Variants in MILR1 observed in about 807,000 individuals in gnomAD.
The protein encoded by MILR1 is allergin-1.
Under a neutral mutation model 18.5 loss-of-function variants are expected in MILR1, and 31 were observed. The ratio of observed to expected loss-of-function variants is 1.68; its 90% CI spans 1.26 to 2.26. The LOEUF is 2.26. Ranked by LOEUF, MILR1 falls within the 30% of genes most tolerant of loss-of-function variation. The pLI, the probability that MILR1 is intolerant of heterozygous loss-of-function variation, is 0.00. For synonymous variants in MILR1, 85 were observed against 56.2 expected, an observed-to-expected ratio of 1.51 and a Z score of -2.30; for missense variants, 257 against 157.4, an observed-to-expected ratio of 1.63 and a Z score of -3.38.
At chr17:64,493,095 A>T in the MILR1 span, 2 of 1,439,018 alleles carry the variant, frequency 1.4e-6, no homozygotes, top group East Asian at 4.5e-5. Context: ...TAGACACATT[A>T]ATAGTAGTAA....
the MILR1 span, among the ~76,000 whole-genome samples, chr17:64,478,738 C>T: frequency 6.6e-6 from 1 of 151,792 alleles, no homozygotes; most frequent in Non-Finnish European, 1.5e-5. Flanking sequence ...TCTACCAAAA[C>T]TACAAAAAAT....
At chr17:64,451,170 T>C (rs1033288717) in intron 2 of MILR1, among the ~76,000 whole-genome samples, 239 of 151,598 alleles carry the variant, frequency 1.6e-3, no homozygotes, top group African/African-American at 5.6e-3. Context: ...TGAGACAGAG[T>C]CTCTGCTCTG....
At chr17:64,449,662 G>A (rs1386721349) in intron 2 of MILR1, among the ~76,000 whole-genome samples, 1 of 152,142 alleles carries the variant, frequency 6.6e-6, no homozygotes, top group African/African-American at 2.4e-5. Context: ...CAGGCTGGGT[G>A]TGGTGCCTCC....
chr17:64,483,528 A>C, the MILR1 span, among the ~76,000 whole-genome samples: 16 of 150,958 alleles, frequency 1.1e-4, no homozygotes, highest in Non-Finnish European at 1.5e-4. Context: ...AAAAAAAAAA[A>C]CAAATTAACT....
At position 64,466,636 on chromosome 17, in the gene MILR1, T is replaced by C; in HGVS notation, c.953T>C (p.Phe318Ser). The change falls in exon 8 of 10, where the codon TTC becomes TCC. Residue 318 changes from phenylalanine (F) to serine (S), a missense_variant. Transcript: ENST00000619286. ...GAGCTACAGTATGCCACCCCCGTGT[T>C]CCAGGAGGTGGCACCAAGAGAGCAA... ...SQELQYATPV[F>S]QEVAPREQEA... The C allele has an allele frequency of 1.2e-6, 2 of 1,610,146 alleles. No homozygotes were observed. The highest frequency in any genetic ancestry group is 1.7e-6 in the Non-Finnish European group (2 of 1,178,244).
chr17:64,478,166 T>A, the MILR1 span, among the ~76,000 whole-genome samples: 1 of 152,210 alleles, frequency 6.6e-6, no homozygotes, highest in East Asian at 1.9e-4. Context: ...AAGTAATATT[T>A]TCAGACAGTT....
chr17:64,482,322 A>G, the MILR1 span, among the ~76,000 whole-genome samples: 1 of 142,734 alleles, frequency 7.0e-6, no homozygotes, highest in African/African-American at 2.9e-5. Context: ...CAGGCAAATT[A>G]AAAACTTTTT....
the MILR1 span, among the ~76,000 whole-genome samples, chr17:64,481,711 A>T: frequency 6.6e-6 from 1 of 152,084 alleles, no homozygotes; most frequent in Admixed American, 6.5e-5. Flanking sequence ...TGTCTCTACT[A>T]AAAATACTAA....
the MILR1 span, among the ~76,000 whole-genome samples, chr17:64,475,062 G>GC: frequency 6.6e-6 from 1 of 151,796 alleles, no homozygotes; most frequent in Non-Finnish European, 1.5e-5. Flanking sequence ...GGTAGCAGGC[G>GC]CCTGTAATCC....
At chr17:64,461,526 G>A (rs1166120405) in intron 5 of MILR1, among the ~76,000 whole-genome samples, 1 of 152,110 alleles carries the variant, frequency 6.6e-6, no homozygotes, top group Non-Finnish European at 1.5e-5. Flanking sequence ...TGGGATTACA[G>A]GTGTGAGCCA....
intron 2 of MILR1, 84 bp downstream of exon 2, chr17:64,449,439 A>G: frequency 2.4e-6 from 1 of 416,312 alleles, no homozygotes; most frequent in Non-Finnish European, 4.4e-6. Context: ...GCGTCCATTC[A>G]AAAGTGTTTC....
At chr17:64,455,453 CAA>C (rs1201488886) in intron 3 of MILR1, among the ~76,000 whole-genome samples, 1 of 151,082 alleles carries the variant, frequency 6.6e-6, no homozygotes, top group Admixed American at 6.6e-5. Flanking sequence ...ATTCACTCAT[CAA>C]AAAAAAATTT....
At chr17:64,495,831 C>G in the MILR1 span, among the ~76,000 whole-genome samples, 1 of 151,970 alleles carries the variant, frequency 6.6e-6, no homozygotes, top group Non-Finnish European at 1.5e-5. Context: ...GCCTCAGCCT[C>G]CCAAGTAGCT....
At position 64,464,178 on chromosome 17, in the gene MILR1, C is replaced by A. The variant is rs1310145271; in HGVS notation, c.764-1274C>A. On this transcript the variant is annotated intron_variant, in intron 5 of 9. Coordinates refer to ENST00000619286, the MANE Select transcript of MILR1 (RefSeq NM_001085423.2). ...ACTTCCATCACCCAAGGCTGGAGTG[C>A]GGTGGTGCAATCATGGCTCACTGCA... is the stretch of plus-strand genomic sequence containing the variant. Among the ~76,000 whole-genome samples the A allele has an allele frequency of 2.2e-5, 3 of 137,172 alleles. No homozygotes were observed. In the East Asian group the frequency reaches 6.4e-4, roughly 29 times the overall value. 90.0% of individuals were successfully genotyped at this position (137,172 alleles called of 152,430 possible).
the MILR1 span, among the ~76,000 whole-genome samples, chr17:64,482,099 T>A: frequency 1.3e-4 from 18 of 138,910 alleles, no homozygotes; most frequent in Non-Finnish European, 2.0e-4. Context: ...ATTAAAGCTT[T>A]TTTTTTTTTT....
intron 3 of MILR1, among the ~76,000 whole-genome samples, chr17:64,456,605 G>A (rs1047104866): frequency 2.6e-5 from 4 of 152,144 alleles, no homozygotes; most frequent in Non-Finnish European, 5.9e-5. Context: ...GAAGCCAAGA[G>A]TTTGAGACCA....
the MILR1 span, chr17:64,496,884 GC>G: frequency 6.2e-7 from 1 of 1,613,358 alleles, no homozygotes. Context: ...AGCTCCGGCT[GC>G]CCCGCATCTA....
chr17:64,479,078 G>C, the MILR1 span, among the ~76,000 whole-genome samples: 6 of 151,858 alleles, frequency 4.0e-5, no homozygotes. Flanking sequence ...GAGAACCTGA[G>C]AGGACAAGAA....
chr17:64,488,851 C>T, the MILR1 span, among the ~76,000 whole-genome samples: 1 of 152,066 alleles, frequency 6.6e-6, no homozygotes, highest in Non-Finnish European at 1.5e-5. Flanking sequence ...ACCTATAGTC[C>T]TAGCTACTCA....
Sources: gnomAD v4.1 joint callset for allele counts (sites outside exome capture counted in the v4.1 genomes callset) on GRCh38, gnomAD v4.1.1 for gene constraint, MANE v1.5 for transcripts, NCBI Gene and HGNC (gene_info 2026-07-23, HGNC 2026-07-21) for gene names.